MAST4: variants seen among roughly 807,000 people sequenced by gnomAD.
The protein encoded by MAST4 is microtubule-associated serine/threonine-protein kinase 4.
MAST4 carries 89 observed loss-of-function variants against 162.7 expected under a neutral mutation model. That is an observed-to-expected ratio of 0.55 (90% confidence interval 0.46 to 0.65). The LOEUF is 0.65. MAST4 is among the 30% of genes least tolerant of loss of function. The pLI, the probability that MAST4 is intolerant of heterozygous loss-of-function variation, is 0.00. For synonymous variants in MAST4, 1,479 were observed against 1,361.1 expected (o/e 1.09, Z -1.91); for missense variants, 3,153 against 3,374.0 (o/e 0.93, Z 1.62).
chr5:67,071,623 A>G (rs960420034), intron 5 of MAST4, among the ~76,000 whole-genome samples: 1 of 152,150 alleles, frequency 6.6e-6, no homozygotes, highest in African/African-American at 2.4e-5. Context: ...AGCCGGGCAT[A>G]GTGGCATACA....
intron 5 of MAST4, among the ~76,000 whole-genome samples, chr5:67,078,665 ATATT>A (rs373797717): frequency 5.2e-5 from 7 of 135,840 alleles, no homozygotes. Context: ...TATTTATTTT[ATATT>A]TATATTATAT....
At chr5:66,950,024 C>G (rs914686285) in intron 4 of MAST4, among the ~76,000 whole-genome samples, 15 of 152,144 alleles carry the variant, frequency 9.9e-5, no homozygotes, top group African/African-American at 3.6e-4. Context: ...AGAATTTTCA[C>G]AAACTGCAAC....
intron 5 of MAST4, among the ~76,000 whole-genome samples, chr5:67,078,911 AATATATATATATATATAT>A (rs750951069): frequency 1.8e-4 from 7 of 38,104 alleles, no homozygotes; most frequent in African/African-American, 3.7e-4. Flanking sequence ...TTTTTATATA[AATATATATATATATATAT>A]ATATATATAT....
At position 66,997,588 on chromosome 5, in the gene MAST4, T is replaced by C. The variant is rs182022348; in HGVS notation, c.675-56816T>C. Among the ~76,000 whole-genome samples the C allele has an allele frequency of 4.9e-4, 75 of 152,146 alleles. 1 individual carries two copies. In the East Asian group the frequency reaches 0.014, roughly 27 times the overall value. On this transcript the variant is annotated intron_variant, in intron 4 of 28. Coordinates refer to ENST00000403625, the MANE Select transcript of MAST4 (RefSeq NM_001164664.2). ...CTGGGATTACAGGCACCTGCCACCA[T>C]GCCCAGCTAATTTTTTGTATTTTTA...
chr5:67,082,386 G>A (rs1391950880), intron 5 of MAST4, among the ~76,000 whole-genome samples: 2 of 152,044 alleles, frequency 1.3e-5, no homozygotes, highest in Non-Finnish European at 2.9e-5. Context: ...ACCCACTTTG[G>A]CCTCCCAAAG....
intron 4 of MAST4, among the ~76,000 whole-genome samples, chr5:67,005,643 A>G (rs1461468575): frequency 3.3e-5 from 5 of 152,178 alleles, no homozygotes; most frequent in Admixed American, 6.5e-5. Flanking sequence ...TGTCCTTTTC[A>G]TTTTGTAACG....
Position 67,166,343 on chromosome 5 carries a change from G to T in MAST4, c.7164G>T (p.Glu2388Asp). 1 of 1,606,012 alleles carries T rather than the reference G, an allele frequency of 6.2e-7. No homozygotes were observed. ...LYAPAEGDKL[E>D]AGLSFVHSEN... ...CTCCAGCAGAGGGCGACAAGCTCGA[G>T]GCCGGCCTTTCCTTTGTGCATAGCG... is the stretch of plus-strand genomic sequence containing the variant. Residue 2388 changes from glutamate to aspartate, a missense_variant, in exon 29 of 29, where the codon GAG becomes GAT. Physicochemically the swap from Glu to Asp is conservative, Grantham distance 45. Transcript: ENST00000403625.
chr5:66,812,096 C>T (rs79281151), intron 3 of MAST4, among the ~76,000 whole-genome samples: 22 of 152,220 alleles, frequency 1.4e-4, no homozygotes, highest in Middle Eastern at 6.8e-3. Context: ...AAGGCTGGCG[C>T]GGGCTAGTTG....
intron 4 of MAST4, among the ~76,000 whole-genome samples, chr5:66,950,095 C>T (rs747088226): frequency 2.6e-5 from 4 of 152,084 alleles, no homozygotes; most frequent in Non-Finnish European, 5.9e-5. Context: ...AATCCTGCCA[C>T]TACCTCACCC....
chr5:66,779,766 G>A (rs1202131385), intron 2 of MAST4, among the ~76,000 whole-genome samples: 3 of 152,174 alleles, frequency 2.0e-5, no homozygotes, highest in Admixed American at 2.0e-4. Flanking sequence ...TGATGGTGAC[G>A]GAATTAGGGT....
At chr5:66,911,146 G>A (rs1716699043) in intron 4 of MAST4, among the ~76,000 whole-genome samples, 1 of 152,160 alleles carries the variant, frequency 6.6e-6, no homozygotes, top group Non-Finnish European at 1.5e-5. Context: ...CAAACCCATG[G>A]AAATGCCAGT....
intron 3 of MAST4, among the ~76,000 whole-genome samples, chr5:66,840,794 C>T (rs257700): frequency 0.18 from 27,872 of 152,108 alleles, 2,784 homozygotes; most frequent in East Asian, 0.44. Flanking sequence ...AGCTGACCTA[C>T]GTGAACCTGT....
At chr5:66,879,142 G>T (rs1320156058) in intron 3 of MAST4, among the ~76,000 whole-genome samples, 5 of 152,070 alleles carry the variant, frequency 3.3e-5, no homozygotes, top group African/African-American at 4.8e-5. Flanking sequence ...AGCTGGGCGT[G>T]GTGGCGGGTG....
intron 18 of MAST4, 133 bp downstream of exon 18, chr5:67,134,821 C>T (rs1173843833): frequency 7.2e-6 from 5 of 690,526 alleles, no homozygotes; most frequent in Admixed American, 5.8e-5. Flanking sequence ...AAAGAACTCA[C>T]TCATCAAAGC....
chr5:66,712,487 C>G (rs1750556160), intron 1 of MAST4, among the ~76,000 whole-genome samples: 1 of 152,150 alleles, frequency 6.6e-6, no homozygotes, highest in Non-Finnish European at 1.5e-5. Flanking sequence ...GGAGAAAAGA[C>G]TTATTTGTCT....
chr5:66,899,897 G>A (rs372613004), intron 3 of MAST4, 54 bp from the exon 4 acceptor site: 19 of 1,379,728 alleles, frequency 1.4e-5, no homozygotes, highest in Middle Eastern at 1.9e-4. Context: ...TGGTATCCTA[G>A]TAATCTAAGG....
At chr5:66,644,918 A>G (rs1745728319) in intron 1 of MAST4, among the ~76,000 whole-genome samples, 1 of 151,648 alleles carries the variant, frequency 6.6e-6, no homozygotes, top group Admixed American at 6.6e-5. Flanking sequence ...CCCTGATGAC[A>G]GTGTCAGAGT....
intron 4 of MAST4, among the ~76,000 whole-genome samples, chr5:66,999,855 A>G (rs898424563): frequency 5.3e-4 from 80 of 152,258 alleles, no homozygotes; most frequent in African/African-American, 1.9e-3. Flanking sequence ...CTTAGTTTTC[A>G]GCATTCAGGC....
At chr5:67,119,507 A>G (rs926777372) in intron 13 of MAST4, among the ~76,000 whole-genome samples, 14 of 151,474 alleles carry the variant, frequency 9.2e-5, no homozygotes, top group African/African-American at 3.4e-4. Context: ...AGATTTGAAA[A>G]CACTCTGCTT....
Sources: gnomAD v4.1 joint callset for allele counts (sites outside exome capture counted in the v4.1 genomes callset) on GRCh38, gnomAD v4.1.1 for gene constraint, MANE v1.5 for transcripts, NCBI Gene and HGNC (gene_info 2026-07-23, HGNC 2026-07-21) for gene names.